SPATS2: variants seen among roughly 807,000 people sequenced by gnomAD.
SPATS2 encodes spermatogenesis-associated serine-rich protein 2.
SPATS2 carries 38 observed loss-of-function variants against 63.7 expected under a neutral mutation model. That is an observed-to-expected ratio of 0.60 (90% CI 0.46 to 0.78). The LOEUF is 0.78. SPATS2 is among the 30% of genes least tolerant of loss of function. The probability of loss-of-function intolerance (pLI) is 0.00; values close to 1 mark genes in which losing one functional copy is unlikely to be tolerated. For synonymous variants in SPATS2, 207 were observed against 232.9 expected (o/e 0.89, Z 1.01); for missense variants, 588 against 666.2 (o/e 0.88, Z 1.29).
chr12:49,512,974 G>A (rs945350054), intron 9 of SPATS2: 1 of 1,231,594 alleles, frequency 8.1e-7, no homozygotes, highest in Non-Finnish European at 1.1e-6. Context: ...CCAGTTTGAT[G>A]CTTTTGGATT....
At chr12:49,521,542 C>T (rs1400717291) in intron 11 of SPATS2, among the ~76,000 whole-genome samples, 1 of 152,170 alleles carries the variant, frequency 6.6e-6, no homozygotes, top group Non-Finnish European at 1.5e-5. Flanking sequence ...GATGAGAATG[C>T]TGGCTCTCAC....
intron 2 of SPATS2, among the ~76,000 whole-genome samples, chr12:49,414,935 C>CTTTTTTTTTTTTTT (rs199648430): frequency 3.5e-4 from 47 of 135,900 alleles, no homozygotes; most frequent in African/African-American, 7.8e-4. Context: ...TTTTCTTTTT[C>CTTTTTTTTTTTTTT]TTTTCTTTTT....
chr12:49,377,680 A>T (rs1425820174), intron 2 of SPATS2, among the ~76,000 whole-genome samples: 1 of 152,202 alleles, frequency 6.6e-6, no homozygotes, highest in Admixed American at 6.6e-5. Context: ...TTGATAGTAT[A>T]GTTATAATAT....
chr12:49,437,318 G>T (rs1945329290), intron 2 of SPATS2, among the ~76,000 whole-genome samples: 1 of 151,590 alleles, frequency 6.6e-6, no homozygotes, highest in African/African-American at 2.4e-5. Flanking sequence ...GATGGCGGCC[G>T]GGCAGAGACG....
intron 8 of SPATS2, among the ~76,000 whole-genome samples, chr12:49,498,148 A>ATATG (rs975374204): frequency 7.7e-6 from 1 of 129,102 alleles, no homozygotes; most frequent in Non-Finnish European, 1.6e-5. Context: ...AAAAAAAAAT[A>ATATG]TATATATATA....
intron 3 of SPATS2, chr12:49,469,557 A>AAG (rs1565737883): frequency 9.3e-6 from 4 of 430,882 alleles, no homozygotes; most frequent in African/African-American, 2.1e-5. Context: ...AAAAAAAAAA[A>AAG]AAAAAAAGAA....
chr12:49,398,854 G>A (rs917374495), intron 2 of SPATS2, among the ~76,000 whole-genome samples: 1 of 152,186 alleles, frequency 6.6e-6, no homozygotes, highest in African/African-American at 2.4e-5. Context: ...TCCAGGTGGA[G>A]ATGTACATTA....
At chr12:49,372,723 A>G (rs1944019449) in intron 2 of SPATS2, among the ~76,000 whole-genome samples, 1 of 152,156 alleles carries the variant, frequency 6.6e-6, no homozygotes, top group Admixed American at 6.6e-5. Context: ...ATTCATTAAA[A>G]AAAAAATTTC....
Position 49,379,748 on chromosome 12 carries a change from G to A in SPATS2, c.-244+8458G>A, listed in dbSNP as rs991129039. Among the ~76,000 whole-genome samples the A allele has an allele frequency of 2.0e-5, 3 of 149,458 alleles. No individual in the cohort carries two copies. The South Asian group carries it at 6.5e-4, about 32-fold the overall frequency. On this transcript the variant is annotated intron_variant, in intron 2 of 13. Coordinates refer to ENST00000552918, the MANE Select transcript of SPATS2 (RefSeq NM_023071.4). Reference sequence around the variant, plus strand: ...AGTGATTCTCCTGTCTGAGCCTCCCGAGTAGCTGAGACTACAGGCACACGC... The same window carrying A: ...AGTGATTCTCCTGTCTGAGCCTCCCAAGTAGCTGAGACTACAGGCACACGC...
intron 2 of SPATS2, among the ~76,000 whole-genome samples, chr12:49,388,340 A>G (rs986043335): frequency 3.3e-5 from 5 of 151,730 alleles, no homozygotes; most frequent in Non-Finnish European, 5.9e-5. Context: ...GTTTTCATTT[A>G]TACTTGTTTT....
chr12:49,378,060 G>C (rs1028901475), intron 2 of SPATS2, among the ~76,000 whole-genome samples: 1 of 151,802 alleles, frequency 6.6e-6, no homozygotes, highest in African/African-American at 2.4e-5. Context: ...GCCACCTCCA[G>C]CTCCAGGGTT....
At chr12:49,498,688 T>G (rs1214645267) in intron 8 of SPATS2, among the ~76,000 whole-genome samples, 2 of 152,098 alleles carry the variant, frequency 1.3e-5, no homozygotes, top group Non-Finnish European at 2.9e-5. Context: ...TGGCATTGTT[T>G]TATTTGTCTC....
At chr12:49,462,642 G>A (rs1945842179) in intron 3 of SPATS2, 1 of 588,258 alleles carries the variant, frequency 1.7e-6, no homozygotes, top group South Asian at 2.1e-5. Context: ...GATGGTAAAT[G>A]CGGGAGATTT....
At chr12:49,483,666 G>A (rs1199676094) in intron 3 of SPATS2, among the ~76,000 whole-genome samples, 4 of 152,126 alleles carry the variant, frequency 2.6e-5, no homozygotes, top group East Asian at 1.9e-4. Context: ...GAGTATTACC[G>A]TGGTTTTTTT....
chr12:49,509,273 C>CTTTTTTTTTTTTTTTTTT (rs1186617900), intron 9 of SPATS2, among the ~76,000 whole-genome samples: 1 of 77,804 alleles, frequency 1.3e-5, no homozygotes, highest in Non-Finnish European at 2.3e-5. Context: ...GTTCTAACTT[C>CTTTTTTTTTTTTTTTTTT]TTTTTTTTTT....
At chr12:49,381,569 C>G (rs1333573560) in intron 2 of SPATS2, among the ~76,000 whole-genome samples, 1 of 152,116 alleles carries the variant, frequency 6.6e-6, no homozygotes, top group Non-Finnish European at 1.5e-5. Flanking sequence ...TTAATTAATT[C>G]CTAAGAATTA....
intron 2 of SPATS2, among the ~76,000 whole-genome samples, chr12:49,390,673 T>C (rs2137243672): frequency 6.6e-6 from 1 of 152,258 alleles, no homozygotes; most frequent in Non-Finnish European, 1.5e-5. Context: ...GAAAGAAAAT[T>C]CAGTTTTAAA....
chr12:49,500,352 C>G (rs1946543978), intron 9 of SPATS2, 147 bp downstream of exon 9: 1 of 917,152 alleles, frequency 1.1e-6, no homozygotes, highest in African/African-American at 1.7e-5. Flanking sequence ...TAGCTTTCTG[C>G]TTTGTTCTAT....
chr12:49,459,740 T>TTC (rs1945785887), intron 2 of SPATS2, among the ~76,000 whole-genome samples: 10 of 32,644 alleles, frequency 3.1e-4, no homozygotes, highest in African/African-American at 4.9e-4. Context: ...TCATTTCACG[T>TTC]CCCCCCCCCC....
Sources: allele counts gnomAD v4.1 joint callset (sites outside exome capture counted in the v4.1 genomes callset), GRCh38; gene constraint gnomAD v4.1.1; transcripts MANE v1.5; gene names NCBI Gene and HGNC (gene_info 2026-07-23, HGNC 2026-07-21).